SRRM4: variants seen among roughly 807,000 people sequenced by gnomAD.
SRRM4 encodes the protein serine/arginine repetitive matrix protein 4.
SRRM4 carries 33 observed loss-of-function variants against 68.9 expected under a neutral mutation model. That is an observed-to-expected ratio of 0.48 (90% CI 0.36 to 0.64). The LOEUF (loss-of-function observed/expected upper bound fraction) is 0.64, where lower values mean the gene tolerates loss of function less well. SRRM4 is among the 30% of genes least tolerant of loss of function. SRRM4 has a pLI of 0.00. For missense variants in SRRM4, 817 were observed against 827.1 expected (o/e 0.99, Z 0.15); for synonymous variants, 318 against 318.8 (o/e 1.00, Z 0.03).
At chr12:119,131,093 C>G (rs892021188) in intron 8 of SRRM4, among the ~76,000 whole-genome samples, 5 of 152,096 alleles carry the variant, frequency 3.3e-5, no homozygotes, top group African/African-American at 4.8e-5. Flanking sequence ...AAATAAATAC[C>G]TGTCTCCAGA....
intron 1 of SRRM4, among the ~76,000 whole-genome samples, chr12:119,027,469 C>T (rs1565892329): frequency 6.6e-6 from 1 of 152,110 alleles, no homozygotes; most frequent in Non-Finnish European, 1.5e-5. Flanking sequence ...CATGAGAATG[C>T]TAGTAATCTT....
At chr12:119,117,729 T>C (rs1954190078) in intron 4 of SRRM4, among the ~76,000 whole-genome samples, 1 of 152,072 alleles carries the variant, frequency 6.6e-6, no homozygotes, top group Admixed American at 6.5e-5. Flanking sequence ...CTGGCCAACA[T>C]GGTGAAACCC....
intron 12 of SRRM4, among the ~76,000 whole-genome samples, chr12:119,155,508 G>A (rs868084278): frequency 6.6e-6 from 1 of 152,228 alleles, no homozygotes; most frequent in Non-Finnish European, 1.5e-5. Flanking sequence ...CAAGGCAGGC[G>A]GATTGCTGGA....
chr12:119,122,157 G>A lies in SRRM4; in HGVS notation c.515+37G>A, dbSNP rs374022085. 14 of 1,433,312 alleles carry A rather than the reference G, an allele frequency of 9.8e-6. No homozygotes were observed. The African/African-American group carries it at 1.7e-4, about 17-fold the overall frequency. 88.8% of individuals were successfully genotyped at this position (1,433,312 alleles called of 1,614,324 possible). On this transcript the variant is annotated intron_variant, in intron 6 of 12. Transcript: ENST00000267260. The stretch of plus-strand genomic sequence containing the variant: ...CTACCTGGAATGTACTCATCAGTTT[G>A]AGGAGTTGGGGCATCTGGCTTCTTA...
At chr12:119,071,519 G>A (rs950310381) in intron 1 of SRRM4, among the ~76,000 whole-genome samples, 4 of 152,176 alleles carry the variant, frequency 2.6e-5, no homozygotes, top group Non-Finnish European at 4.4e-5. Flanking sequence ...ACATTTTAGG[G>A]GTAATTTACA....
At chr12:119,023,501 C>A (rs568515533) in intron 1 of SRRM4, among the ~76,000 whole-genome samples, 9 of 152,296 alleles carry the variant, frequency 5.9e-5, no homozygotes, top group Admixed American at 2.0e-4. Flanking sequence ...TTGCAGGTCT[C>A]CAGTCACATG....
intron 1 of SRRM4, among the ~76,000 whole-genome samples, chr12:119,012,603 G>A (rs1004751130): frequency 6.6e-6 from 1 of 152,130 alleles, no homozygotes; most frequent in African/African-American, 2.4e-5. Context: ...CCCCCAAGAT[G>A]ATCTTTGTCT....
At chr12:118,996,124 T>G (rs1470008099) in intron 1 of SRRM4, among the ~76,000 whole-genome samples, 1 of 152,262 alleles carries the variant, frequency 6.6e-6, no homozygotes, top group Non-Finnish European at 1.5e-5. Context: ...TTTATTTATT[T>G]CATTCAACTG....
At chr12:119,134,382 T>TAAAAAAAA (rs55867545) in intron 8 of SRRM4, among the ~76,000 whole-genome samples, 1 of 116,450 alleles carries the variant, frequency 8.6e-6, no homozygotes. Flanking sequence ...AGAGAGATTG[T>TAAAAAAAA]AAAAAAAAAA....
In SRRM4 at chr12:119,097,332, A is replaced by G. The variant is rs141576149; in HGVS notation, c.132-4904A>G. ...GAGTGACCTCAGACTCTTTACTTGT[A>G]CCTCTGCTTCTTTATTTGTAAGGAG... On this transcript the variant is annotated intron_variant, in intron 1 of 12. Transcript: ENST00000267260. 3.6e-3 allele frequency among the ~76,000 whole-genome samples: 554 copies of G among 152,226 alleles called. 8 individuals are homozygous for G. The highest frequency in any genetic ancestry group is 0.013 in the African/African-American group (530 of 41,530).
At chr12:119,038,560 A>G (rs189193233) in intron 1 of SRRM4, among the ~76,000 whole-genome samples, 1 of 152,252 alleles carries the variant, frequency 6.6e-6, no homozygotes, top group African/African-American at 2.4e-5. Flanking sequence ...TTTTCTCATT[A>G]TTTGTTCCTG....
intron 10 of SRRM4, among the ~76,000 whole-genome samples, chr12:119,151,723 GA>G (rs1954440998): frequency 2.6e-5 from 4 of 152,118 alleles, no homozygotes; most frequent in African/African-American, 7.2e-5. Flanking sequence ...TGGAGAGTTT[GA>G]AAGACCCCAG....
At chr12:119,040,097 A>T (rs937389607) in intron 1 of SRRM4, among the ~76,000 whole-genome samples, 1 of 152,204 alleles carries the variant, frequency 6.6e-6, no homozygotes, top group East Asian at 1.9e-4. Context: ...CCTAAGGGAC[A>T]AGACATGTAT....
chr12:119,001,794 GC>G (rs1473786123), intron 1 of SRRM4: 2 of 152,002 alleles, frequency 1.3e-5, no homozygotes, highest in African/African-American at 4.8e-5. Context: ...ACCAGCCTGG[GC>G]AACATGAGGA....
intron 1 of SRRM4, among the ~76,000 whole-genome samples, chr12:119,014,851 C>G (rs539243073): frequency 6.6e-6 from 1 of 152,172 alleles, no homozygotes; most frequent in African/African-American, 2.4e-5. Flanking sequence ...GCGAAAGTAC[C>G]CTGCAACCCA....
At chr12:119,067,638 G>A (rs957316462) in intron 1 of SRRM4, among the ~76,000 whole-genome samples, 1 of 152,190 alleles carries the variant, frequency 6.6e-6, no homozygotes, top group African/African-American at 2.4e-5. Flanking sequence ...AACCCGGGAG[G>A]TGGAGGTTGC....
intron 1 of SRRM4, among the ~76,000 whole-genome samples, chr12:119,012,339 G>T (rs1488365674): frequency 6.6e-6 from 1 of 152,172 alleles, no homozygotes; most frequent in South Asian, 2.1e-4. Flanking sequence ...ACTCACCTGG[G>T]GGTCTTTTTC....
intron 1 of SRRM4, among the ~76,000 whole-genome samples, chr12:119,006,773 T>C (rs1425683909): frequency 2.0e-5 from 3 of 152,238 alleles, no homozygotes; most frequent in Non-Finnish European, 4.4e-5. Context: ...ATTGGTCAAA[T>C]GCGACCATAA....
intron 1 of SRRM4, among the ~76,000 whole-genome samples, chr12:119,084,056 G>A (rs534618366): frequency 6.6e-6 from 1 of 152,306 alleles, no homozygotes; most frequent in East Asian, 1.9e-4. Flanking sequence ...TACACAGCAA[G>A]CGCTATTACA....
Sources: gnomAD v4.1 joint callset for allele counts (sites outside exome capture counted in the v4.1 genomes callset) on GRCh38, gnomAD v4.1.1 for gene constraint, MANE v1.5 for transcripts, NCBI Gene and HGNC (gene_info 2026-07-23, HGNC 2026-07-21) for gene names.